PCDH17: variants seen among roughly 807,000 people sequenced by gnomAD.
PCDH17 encodes protocadherin-17.
Under a neutral mutation model 67.7 loss-of-function variants are expected in PCDH17, and 21 were observed. The ratio of observed to expected loss-of-function variants is 0.31; its 90% CI spans 0.22 to 0.45. The LOEUF (loss-of-function observed/expected upper bound fraction) is 0.45, where lower values mean the gene tolerates loss of function less well. Ranked by LOEUF, PCDH17 falls within the 20% of genes least tolerant of loss-of-function variation. PCDH17 has a pLI of 1.00. For synonymous variants in PCDH17, 701 were observed against 656.7 expected (o/e 1.07, Z -1.03); for missense variants, 1,471 against 1,564.8 (o/e 0.94, Z 1.01).
chr13:57,698,361 CCTGTTGGCCTTATAGGAAAATT>C (rs1955631031), intron 3 of PCDH17, among the ~76,000 whole-genome samples: 2 of 151,572 alleles, frequency 1.3e-5, no homozygotes, highest in Admixed American at 6.6e-5. Flanking sequence ...ACAAACTTTA[CCTGTTGGCCTTATAGGAAAATT>C]GAGGCTAGAA....
At chr13:57,688,849 A>T (rs1232196577) in intron 3 of PCDH17, among the ~76,000 whole-genome samples, 1 of 152,006 alleles carries the variant, frequency 6.6e-6, no homozygotes, top group African/African-American at 2.4e-5. Flanking sequence ...ATTATCTCTA[A>T]TTGTCTTACC....
chr13:57,632,837 C>T lies in PCDH17; in HGVS notation c.291C>T (p.Arg97=). 1 of 1,613,910 alleles carries T rather than the reference C, an allele frequency of 6.2e-7. No homozygotes were observed. The highest frequency in any genetic ancestry group is 1.1e-5 in the South Asian group (1 of 91,084). The part of the protein sequence containing the change: ...KQRIDRESLC[R]HNAKCQLSLE... ...GCATCGACCGCGAGTCCCTGTGCCGCCACAATGCCAAGTGCCAGCTGTCCC... is the reference window on the plus strand; with the variant it reads ...GCATCGACCGCGAGTCCCTGTGCCGTCACAATGCCAAGTGCCAGCTGTCCC... Residue 97 remains arginine, a synonymous_variant, in exon 1 of 4, where the codon CGC becomes CGT. Transcript: ENST00000377918.
intron 3 of PCDH17, among the ~76,000 whole-genome samples, chr13:57,715,167 A>G (rs951416521): frequency 5.9e-5 from 9 of 151,954 alleles, no homozygotes; most frequent in African/African-American, 1.9e-4. Context: ...ATCTGATATT[A>G]CTGTAAACAA....
intron 3 of PCDH17, among the ~76,000 whole-genome samples, chr13:57,681,527 C>T (rs1955450562): frequency 6.6e-6 from 1 of 151,798 alleles, no homozygotes; most frequent in African/African-American, 2.4e-5. Context: ...CTTACCTTTA[C>T]CCAGAATAAT....
intron 1 of PCDH17, among the ~76,000 whole-genome samples, chr13:57,664,737 A>G (rs952678746): frequency 2.6e-5 from 4 of 152,234 alleles, no homozygotes; most frequent in Non-Finnish European, 2.9e-5. Flanking sequence ...TGGAATAGAT[A>G]CATGTGTTTG....
intron 3 of PCDH17, among the ~76,000 whole-genome samples, chr13:57,720,535 CTT>C (rs1431914544): frequency 6.6e-6 from 1 of 151,534 alleles, no homozygotes; most frequent in Non-Finnish European, 1.5e-5. Context: ...AAAATATTGT[CTT>C]GTTTATGTAC....
chr13:57,703,226 G>T (rs574566444), intron 3 of PCDH17, among the ~76,000 whole-genome samples: 257 of 152,176 alleles, frequency 1.7e-3, no homozygotes, highest in Middle Eastern at 3.4e-3. Flanking sequence ...AATTTAATCA[G>T]CTTGCTTTTA....
intron 1 of PCDH17, among the ~76,000 whole-genome samples, chr13:57,647,779 C>T (rs1335655376): frequency 6.6e-6 from 1 of 151,634 alleles, no homozygotes; most frequent in African/African-American, 2.4e-5. Flanking sequence ...ACATGATTTC[C>T]TCTTGTGGTT....
intron 3 of PCDH17, among the ~76,000 whole-genome samples, chr13:57,685,819 C>CTT (rs1955500632): frequency 6.6e-6 from 1 of 151,934 alleles, no homozygotes; most frequent in Admixed American, 6.6e-5. Flanking sequence ...GGAACAGTGG[C>CTT]TTTTGCCTGT....
intron 3 of PCDH17, among the ~76,000 whole-genome samples, chr13:57,708,579 G>C (rs1955742577): frequency 1.3e-5 from 2 of 151,668 alleles, no homozygotes; most frequent in Admixed American, 6.6e-5. Context: ...TTAAAAATAG[G>C]ACAGAAACAC....
chr13:57,630,717 T>C (rs1377700762), upstream of PCDH17, among the ~76,000 whole-genome samples: 1 of 152,196 alleles, frequency 6.6e-6, no homozygotes, highest in African/African-American at 2.4e-5. Flanking sequence ...GCATTTTCTT[T>C]TTCCCCAAAA....
Position 57,726,594 on chromosome 13 carries a change from G to C in PCDH17, c.*1300G>C, listed in dbSNP as rs1231995832. The C allele has an allele frequency of 3.9e-5, 6 of 152,578 alleles. No homozygotes were observed. Among genetic ancestry groups the C allele is most frequent in the Non-Finnish European group, 8.8e-5 (6 of 68,028 alleles). The allele number at this position is 152,578 out of a possible 1,614,324, so 9.5% of individuals were successfully genotyped here. ...ACAGTACATAATCTGTTCAAAATGTGTTTGAGTGAGCTGATGGAGCTAACT... is the reference window on the plus strand; with the variant it reads ...ACAGTACATAATCTGTTCAAAATGTCTTTGAGTGAGCTGATGGAGCTAACT... On this transcript the variant is annotated 3_prime_UTR_variant, in exon 4 of 4. Transcript: ENST00000377918.
intron 1 of PCDH17, among the ~76,000 whole-genome samples, chr13:57,645,215 ATTAG>A (rs1426736924): frequency 2.0e-5 from 3 of 151,700 alleles, no homozygotes; most frequent in African/African-American, 7.2e-5. Context: ...TATGAGTAAG[ATTAG>A]TTATTTTTTC....
chr13:57,720,128 G>A (rs1955860495), intron 3 of PCDH17, among the ~76,000 whole-genome samples: 1 of 151,976 alleles, frequency 6.6e-6, no homozygotes, highest in Non-Finnish European at 1.5e-5. Flanking sequence ...TGATTCATCT[G>A]AAGGTATATT....
chr13:57,664,473 G>C (rs1366163185), intron 1 of PCDH17, among the ~76,000 whole-genome samples: 1 of 152,084 alleles, frequency 6.6e-6, no homozygotes, highest in African/African-American at 2.4e-5. Context: ...TCTAGATACT[G>C]TTCCTATCAG....
At chr13:57,687,493 T>C (rs1360388937) in intron 3 of PCDH17, among the ~76,000 whole-genome samples, 1 of 152,034 alleles carries the variant, frequency 6.6e-6, no homozygotes, top group Non-Finnish European at 1.5e-5. Context: ...ATTTGCATTA[T>C]ATATATTTGA....
intron 1 of PCDH17, among the ~76,000 whole-genome samples, chr13:57,666,191 C>T (rs1353592931): frequency 6.6e-6 from 1 of 152,138 alleles, no homozygotes; most frequent in Non-Finnish European, 1.5e-5. Context: ...AGTAATGAAA[C>T]AACACAGCCA....
At chr13:57,697,327 A>G (rs142747148) in intron 3 of PCDH17, among the ~76,000 whole-genome samples, 1,922 of 151,834 alleles carry the variant, frequency 0.013, 22 homozygotes, top group Non-Finnish European at 0.019. Flanking sequence ...GTTCTGTGCT[A>G]GAAATCTAAG....
intron 3 of PCDH17, among the ~76,000 whole-genome samples, chr13:57,708,295 A>G (rs184797156): frequency 1.3e-5 from 2 of 152,186 alleles, no homozygotes; most frequent in Non-Finnish European, 2.9e-5. Flanking sequence ...TTATATGCCG[A>G]AAAGACAAAT....
Sources: gnomAD v4.1 joint callset for allele counts (sites outside exome capture counted in the v4.1 genomes callset) on GRCh38, gnomAD v4.1.1 for gene constraint, MANE v1.5 for transcripts, NCBI Gene and HGNC (gene_info 2026-07-23, HGNC 2026-07-21) for gene names.